The following RSF1 variants were observed in gnomAD, a reference collection of about 807,000 sequenced individuals.
The protein encoded by RSF1 is remodeling and spacing factor 1, also known as HBV pX-associated protein 8.
A neutral mutation model predicts 145.2 loss-of-function variants in RSF1; 13 were observed. That is an observed-to-expected ratio of 0.09 (90% confidence interval 0.06 to 0.14). RSF1 has a LOEUF of 0.14. RSF1 is among the 10% of genes least tolerant of loss of function. The pLI, the probability that RSF1 is intolerant of heterozygous loss-of-function variation, is 1.00. For missense variants in RSF1, 1,517 were observed against 1,718.2 expected (o/e 0.88, Z 2.07); for synonymous variants, 577 against 592.6 (o/e 0.97, Z 0.38).
the RSF1 span, among the ~76,000 whole-genome samples, chr11:77,854,403 G>GT: frequency 6.6e-6 from 1 of 152,192 alleles, no homozygotes. Context: ...ATCAAAAACA[G>GT]TTAGTTACTT....
At position 77,686,185 on chromosome 11, in the gene RSF1, C is replaced by T. The variant is rs1176478139; in HGVS notation, c.2901-1026G>A. Among the ~76,000 whole-genome samples the T allele has an allele frequency of 3.3e-5, 5 of 151,670 alleles. No homozygotes were observed. In the East Asian group the frequency reaches 5.8e-4, roughly 18 times the overall value. On this transcript the variant is annotated intron_variant, in intron 9 of 15. Coordinates refer to ENST00000308488, the MANE Select transcript of RSF1 (RefSeq NM_016578.4). ...CTGTAATCCAAAGCAGGAGGTCCCC[C>T]GACGCTGGGAATTCAAGACCAGCTG...
In RSF1 at chr11:77,701,778, C is replaced by G; in HGVS notation, c.1451G>C (p.Gly484Ala). 3.1e-6 allele frequency: 5 copies of G among 1,613,892 alleles called. No homozygotes were observed. The highest frequency in any genetic ancestry group is 4.2e-6 in the Non-Finnish European group (5 of 1,179,972). ...PSKDRNIITE[G>A]NGTESLNSVI... is the part of the protein sequence containing the mutation. ...AGAATTTAAGGACTCTGTTCCATTT[C>G]CCTCCGTGATGATATTTCTGTCCTT... The change falls in exon 6 of 16, where the codon GGA (glycine) becomes GCA (alanine). Residue 484 changes from glycine to alanine, a missense_variant. Gly to Ala is a moderately conservative substitution (Grantham distance 60). Transcript: ENST00000308488.
intron 5 of RSF1, among the ~76,000 whole-genome samples, chr11:77,712,179 G>A (rs1264433778): frequency 6.6e-6 from 1 of 152,232 alleles, no homozygotes; most frequent in East Asian, 1.9e-4. Context: ...AGGGCCAGGT[G>A]GAGATAACTG....
At chr11:77,705,525 C>T (rs780826158) in intron 5 of RSF1, among the ~76,000 whole-genome samples, 22 of 152,112 alleles carry the variant, frequency 1.4e-4, no homozygotes, top group Non-Finnish European at 3.1e-4. Context: ...AGTTGCCTGC[C>T]GATTATCTAT....
At chr11:77,845,516 C>T in the RSF1 span, among the ~76,000 whole-genome samples, 9 of 152,124 alleles carry the variant, frequency 5.9e-5, no homozygotes, top group East Asian at 3.9e-4. Flanking sequence ...CTGCAACCTC[C>T]GCCTCCCAGG....
the RSF1 span, among the ~76,000 whole-genome samples, chr11:77,849,493 G>A: frequency 2.0e-5 from 3 of 152,116 alleles, no homozygotes; most frequent in African/African-American, 7.2e-5. Context: ...CAAAGTGCTG[G>A]GATTATTGGC....
At chr11:77,741,408 T>C (rs1179345960) in intron 3 of RSF1, among the ~76,000 whole-genome samples, 2 of 152,048 alleles carry the variant, frequency 1.3e-5, no homozygotes, top group African/African-American at 4.8e-5. Context: ...CCAGGTATGG[T>C]GGTGCACGCC....
chr11:77,730,317 A>T (rs901396682), intron 4 of RSF1, among the ~76,000 whole-genome samples: 1 of 152,234 alleles, frequency 6.6e-6, no homozygotes, highest in African/African-American at 2.4e-5. Flanking sequence ...AACTGTATAT[A>T]CTATTTCAAA....
chr11:77,684,917 G>T (rs1328071052), intron 10 of RSF1, among the ~76,000 whole-genome samples, 188 bp downstream of exon 10: 1 of 152,018 alleles, frequency 6.6e-6, no homozygotes, highest in Non-Finnish European at 1.5e-5. Context: ...AACCCAGGAG[G>T]CAGACACTGC....
chr11:77,705,491 A>C (rs1960526550), intron 5 of RSF1, among the ~76,000 whole-genome samples: 1 of 152,236 alleles, frequency 6.6e-6, no homozygotes, highest in East Asian at 1.9e-4. Flanking sequence ...AATATTCTAT[A>C]AAAGTTAACA....
chr11:77,804,026 C>G (rs1176867375), intron 1 of RSF1, among the ~76,000 whole-genome samples: 1 of 152,104 alleles, frequency 6.6e-6, no homozygotes, highest in African/African-American at 2.4e-5. Flanking sequence ...GGCCATGTTG[C>G]ACCACTGTAC....
At chr11:77,720,579 A>C (rs1177212472) in intron 5 of RSF1, among the ~76,000 whole-genome samples, 1 of 152,216 alleles carries the variant, frequency 6.6e-6, no homozygotes, top group African/African-American at 2.4e-5. Flanking sequence ...CAACTCAAAA[A>C]GTATTTGAGC....
chr11:77,701,429 T>C lies in RSF1; in HGVS notation c.1800A>G (p.Ala600=). 7 of 1,614,182 alleles carry C rather than the reference T, an allele frequency of 4.3e-6. No homozygotes were observed. The highest frequency in any genetic ancestry group is 5.9e-6 in the Non-Finnish European group (7 of 1,180,030). The part of the protein sequence containing the change: ...KSKKTFLDKD[A]QRLSPIPEEV... ...CTTCTGGTATTGGACTCAATCTTTGTGCGTCCTTATCAAGAAAAGTCTTTT... is the reference window on the plus strand; with the variant it reads ...CTTCTGGTATTGGACTCAATCTTTGCGCGTCCTTATCAAGAAAAGTCTTTT... Residue 600 remains alanine, a synonymous_variant, in exon 6 of 16, where the codon GCA becomes GCG. Transcript: ENST00000308488.
intron 4 of RSF1, among the ~76,000 whole-genome samples, chr11:77,735,810 G>C (rs533585047): frequency 1.3e-5 from 2 of 152,266 alleles, no homozygotes; most frequent in African/African-American, 4.8e-5. Context: ...CGCAATCTTG[G>C]CTCACTGCAA....
chr11:77,789,456 G>A (rs748925092), intron 1 of RSF1, among the ~76,000 whole-genome samples: 22 of 152,164 alleles, frequency 1.4e-4, no homozygotes, highest in South Asian at 1.0e-3. Flanking sequence ...TACTGCCGCC[G>A]GGGCTGAGGC....
chr11:77,708,996 T>C (rs371365856), intron 5 of RSF1, among the ~76,000 whole-genome samples: 5 of 152,200 alleles, frequency 3.3e-5, no homozygotes, highest in South Asian at 4.1e-4. Context: ...TAAATAAAAT[T>C]TGATTAATAA....
At chr11:77,721,265 A>G (rs1008058150) in intron 5 of RSF1, among the ~76,000 whole-genome samples, 1 of 152,174 alleles carries the variant, frequency 6.6e-6, no homozygotes, top group Non-Finnish European at 1.5e-5. Context: ...AGCTTTTGAC[A>G]TACTCCTTCC....
chr11:77,699,398 AAAT>A (rs1351631079), intron 6 of RSF1, among the ~76,000 whole-genome samples: 1 of 122,352 alleles, frequency 8.2e-6, no homozygotes, highest in Non-Finnish European at 1.7e-5. Flanking sequence ...GCAAAGAACA[AAAT>A]AAGTCTAACA....
At position 77,698,612 on chromosome 11, in the gene RSF1, C is replaced by G; in HGVS notation, c.2590G>C (p.Gly864Arg). ...WKYSSNDESE[G>R]SGSEKSSAAS... ...GCAGATGATTTTTCACTGCCAGACC[C>G]TTCACTTTCATCATTGCTGGAATAT... Residue 864 changes from glycine to arginine, a missense_variant, in exon 7 of 16, where the codon GGG (glycine) becomes CGG (arginine). By Grantham distance (125) the Gly-to-Arg change is moderately radical. This residue lies in a region of RSF1 where 579 missense variants were observed against 553.5 expected (regional missense o/e 1.05). Transcript: ENST00000308488. 2 of 1,614,046 alleles carry G rather than the reference C, an allele frequency of 1.2e-6. No homozygotes were observed. Among genetic ancestry groups the G allele is most frequent in the Non-Finnish European group, 1.7e-6 (2 of 1,179,994 alleles).
Sources: gnomAD v4.1 joint callset for allele counts (sites outside exome capture counted in the v4.1 genomes callset) on GRCh38, gnomAD v4.1.1 for gene constraint, gnomAD v4.1.1 regional missense constraint, MANE v1.5 for transcripts, NCBI Gene and HGNC (gene_info 2026-07-23, HGNC 2026-07-21) for gene names.